Variants in FARS2 observed in about 807,000 individuals in gnomAD.
FARS2 encodes phenylalanine--tRNA ligase, mitochondrial.
FARS2 carries 40 observed loss-of-function variants against 46.4 expected under a neutral mutation model. That is an observed-to-expected ratio of 0.86 (90% CI 0.67 to 1.12). The LOEUF (loss-of-function observed/expected upper bound fraction) is 1.12. Ranked by LOEUF, FARS2 falls within the 50% of genes most tolerant of loss-of-function variation. FARS2 has a pLI of 0.00. For synonymous variants in FARS2, 234 were observed against 214.9 expected, an observed-to-expected ratio of 1.09 and a Z score of -0.78; for missense variants, 513 against 567.9, an observed-to-expected ratio of 0.90 and a Z score of 0.98.
intron 6 of FARS2, among the ~76,000 whole-genome samples, chr6:5,715,292 C>T (rs140479339): frequency 6.6e-6 from 1 of 152,272 alleles, no homozygotes; most frequent in Non-Finnish European, 1.5e-5. Flanking sequence ...ATGGATTTCA[C>T]CTGTACCCCT....
chr6:5,263,330 G>A (rs1019703948), intron 1 of FARS2, among the ~76,000 whole-genome samples: 42 of 152,100 alleles, frequency 2.8e-4, no homozygotes, highest in Non-Finnish European at 2.9e-5. Flanking sequence ...CTGTTAGTAC[G>A]AGCAATGGTT....
chr6:5,377,038 T>G (rs1759426900), intron 2 of FARS2, among the ~76,000 whole-genome samples: 1 of 152,224 alleles, frequency 6.6e-6, no homozygotes, highest in Non-Finnish European at 1.5e-5. Flanking sequence ...CTTACATGTT[T>G]GAGAACCACT....
intron 6 of FARS2, among the ~76,000 whole-genome samples, chr6:5,742,273 G>A (rs1298335129): frequency 4.6e-5 from 7 of 152,190 alleles, no homozygotes; most frequent in South Asian, 2.1e-4. Flanking sequence ...GCTTTTAATC[G>A]TCACGCTTAA....
chr6:5,482,920 C>G (rs936103252), intron 4 of FARS2, among the ~76,000 whole-genome samples: 17 of 152,200 alleles, frequency 1.1e-4, no homozygotes, highest in African/African-American at 3.6e-4. Flanking sequence ...TGACCCAGCT[C>G]TGGTTTCTGC....
chr6:5,721,643 T>C (rs1228076728), intron 6 of FARS2, among the ~76,000 whole-genome samples: 1 of 152,208 alleles, frequency 6.6e-6, no homozygotes, highest in African/African-American at 2.4e-5. Flanking sequence ...TCACATTCAT[T>C]AGTATCATCA....
intron 2 of FARS2, among the ~76,000 whole-genome samples, chr6:5,396,685 A>C (rs1334316037): frequency 6.6e-6 from 1 of 152,240 alleles, no homozygotes; most frequent in African/African-American, 2.4e-5. Flanking sequence ...AATGGAAGGA[A>C]CTGAGCGCCA....
Position 5,669,604 on chromosome 6 carries a change from C to T in FARS2, c.1217+56284C>T, listed in dbSNP as rs550455679. 1.3e-4 allele frequency among the ~76,000 whole-genome samples: 20 copies of T among 152,182 alleles called. No homozygotes were observed. In the East Asian group the frequency reaches 2.5e-3, roughly 19 times the overall value. On this transcript the variant is annotated intron_variant, in intron 6 of 6. Transcript: ENST00000274680. ...GTAGTCCTGTACTTGCTAATATTTT[C>T]GCTCATCATATTGCAGTGTATTAGG...
intron 2 of FARS2, among the ~76,000 whole-genome samples, chr6:5,396,730 C>T (rs904267638): frequency 6.6e-6 from 1 of 152,196 alleles, no homozygotes; most frequent in East Asian, 1.9e-4. Context: ...TGTGGAGGTG[C>T]TACAGCTGCT....
intron 1 of FARS2, among the ~76,000 whole-genome samples, chr6:5,298,250 G>A (rs1309569313): frequency 6.6e-6 from 1 of 152,152 alleles, no homozygotes; most frequent in African/African-American, 2.4e-5. Flanking sequence ...ACTGCTTCTT[G>A]TATTGTTGTC....
intron 3 of FARS2, among the ~76,000 whole-genome samples, chr6:5,424,229 G>A (rs142948647): frequency 2.0e-5 from 3 of 152,338 alleles, no homozygotes; most frequent in African/African-American, 4.8e-5. Context: ...CTTGGCGCCT[G>A]TGGAAAGTAT....
At chr6:5,681,715 G>A (rs1392418981) in intron 6 of FARS2, among the ~76,000 whole-genome samples, 8 of 152,156 alleles carry the variant, frequency 5.3e-5, no homozygotes. Flanking sequence ...TCAAGAGATC[G>A]AAGAAATAAA....
intron 1 of FARS2, among the ~76,000 whole-genome samples, chr6:5,305,080 C>G (rs1245097698): frequency 4.6e-5 from 7 of 152,146 alleles, no homozygotes; most frequent in Non-Finnish European, 1.0e-4. Context: ...TGAGGACAGT[C>G]TTTTGGGTGC....
At chr6:5,313,029 A>AGGAGAG (rs1187620006) in intron 1 of FARS2, among the ~76,000 whole-genome samples, 1 of 152,182 alleles carries the variant, frequency 6.6e-6, no homozygotes, top group Non-Finnish European at 1.5e-5. Context: ...GAGAGGGAGA[A>AGGAGAG]GGAGAGGGAG....
chr6:5,617,456 A>G (rs577207155), intron 6 of FARS2, among the ~76,000 whole-genome samples: 1 of 152,338 alleles, frequency 6.6e-6, no homozygotes, highest in Admixed American at 6.5e-5. Context: ...ATTGCTAATT[A>G]TCTCTCAATA....
intron 6 of FARS2, among the ~76,000 whole-genome samples, chr6:5,675,579 C>T (rs1350354500): frequency 1.3e-5 from 2 of 152,140 alleles, no homozygotes; most frequent in Admixed American, 1.3e-4. Flanking sequence ...AATCACAGAA[C>T]AAGTATAGTA....
At chr6:5,304,308 G>A (rs1236280722) in intron 1 of FARS2, among the ~76,000 whole-genome samples, 1 of 152,140 alleles carries the variant, frequency 6.6e-6, no homozygotes, top group African/African-American at 2.4e-5. Flanking sequence ...ATCATATTCT[G>A]TTGTGATGCC....
At chr6:5,489,282 C>T (rs1012424905) in intron 4 of FARS2, among the ~76,000 whole-genome samples, 8 of 151,994 alleles carry the variant, frequency 5.3e-5, no homozygotes, top group Non-Finnish European at 8.8e-5. Context: ...AGTGAAACGC[C>T]GTCTCTGCTA....
intron 3 of FARS2, among the ~76,000 whole-genome samples, chr6:5,415,146 T>C (rs1479310483): frequency 6.6e-6 from 1 of 151,542 alleles, no homozygotes; most frequent in Admixed American, 6.6e-5. Flanking sequence ...ACTGTCGAAC[T>C]GTTCAACTGC....
chr6:5,274,255 A>G (rs1766172335), intron 1 of FARS2, among the ~76,000 whole-genome samples: 1 of 152,144 alleles, frequency 6.6e-6, no homozygotes, highest in Non-Finnish European at 1.5e-5. Flanking sequence ...TAGAACCCTG[A>G]TTTTGTTTGG....
Sources: allele counts gnomAD v4.1 joint callset (sites outside exome capture counted in the v4.1 genomes callset), GRCh38; gene constraint gnomAD v4.1.1; transcripts MANE v1.5; gene names NCBI Gene and HGNC (gene_info 2026-07-23, HGNC 2026-07-21).